MYT1L: variants seen among roughly 807,000 people sequenced by gnomAD.
MYT1L encodes the protein myelin transcription factor 1-like protein.
In MYT1L, 12 loss-of-function variants were observed where a neutral mutation model predicts 126.7. The observed-to-expected ratio is 0.09, with a 90% confidence interval of 0.06 to 0.15. MYT1L has a LOEUF of 0.15. Among genes scored for constraint, MYT1L ranks in the 10% least tolerant of loss-of-function variants. MYT1L has a pLI of 1.00. For missense variants in MYT1L, 979 were observed against 1,585.2 expected, an observed-to-expected ratio of 0.62 and a Z score of 6.49; for synonymous variants, 541 against 604.2, an observed-to-expected ratio of 0.90 and a Z score of 1.53.
intron 1 of MYT1L, chr2:2,323,974 A>C (rs1305504003): frequency 6.6e-6 from 1 of 152,200 alleles, no homozygotes; most frequent in Non-Finnish European, 1.5e-5. Context: ...GGCTGCTGTA[A>C]GTTTCTAAAA....
At chr2:2,153,837 T>G (rs902229588) in intron 3 of MYT1L, among the ~76,000 whole-genome samples, 1 of 151,400 alleles carries the variant, frequency 6.6e-6, no homozygotes, top group African/African-American at 2.4e-5. Context: ...TCTGAAGAGG[T>G]TGGCAGCAAG....
intron 2 of MYT1L, among the ~76,000 whole-genome samples, chr2:2,181,872 C>T (rs1000610977): frequency 6.6e-6 from 1 of 152,112 alleles, no homozygotes; most frequent in South Asian, 2.1e-4. Flanking sequence ...TCAGAACAAC[C>T]CTGAGAATAG....
At chr2:2,157,986 C>T (rs1197755295) in intron 3 of MYT1L, among the ~76,000 whole-genome samples, 2 of 152,062 alleles carry the variant, frequency 1.3e-5, no homozygotes, top group Non-Finnish European at 2.9e-5. Flanking sequence ...CTGCAGGGAG[C>T]TTCTCTCCTG....
intron 2 of MYT1L, among the ~76,000 whole-genome samples, chr2:2,261,693 A>C (rs2094972938): frequency 6.6e-6 from 1 of 152,246 alleles, no homozygotes; most frequent in African/African-American, 2.4e-5. Flanking sequence ...AATTGAAAAT[A>C]ATACATTTGT....
chr2:1,829,566 C>CCCATGCACCTGTGAATTGACCT (rs1558678586), intron 21 of MYT1L, among the ~76,000 whole-genome samples: 6 of 96,626 alleles, frequency 6.2e-5, no homozygotes, highest in African/African-American at 7.8e-5. Context: ...TGAACTGACC[C>CCCATGCACCTGTGAATTGACCT]TCCCATGCAC....
intron 3 of MYT1L, among the ~76,000 whole-genome samples, chr2:2,141,991 G>A (rs2084052311): frequency 6.6e-6 from 1 of 152,086 alleles, no homozygotes; most frequent in Non-Finnish European, 1.5e-5. Context: ...CTCCCACACG[G>A]GAAAGCTTAA....
At chr2:1,854,218 T>C (rs2148556144) in intron 18 of MYT1L, among the ~76,000 whole-genome samples, 1 of 152,312 alleles carries the variant, frequency 6.6e-6, no homozygotes, top group Admixed American at 6.5e-5. Flanking sequence ...ACATTAGGTC[T>C]CAGTATAAAT....
chr2:1,951,398 G>A, intron 8 of MYT1L, among the ~76,000 whole-genome samples: 1 of 152,160 alleles, frequency 6.6e-6, no homozygotes, highest in South Asian at 2.1e-4. Context: ...CATGAGGCTG[G>A]CCCAGGAGAC....
At chr2:2,194,699 C>A (rs1484374902) in intron 2 of MYT1L, among the ~76,000 whole-genome samples, 2 of 152,168 alleles carry the variant, frequency 1.3e-5, no homozygotes, top group Non-Finnish European at 2.9e-5. Flanking sequence ...ACCTTCCCCC[C>A]TCATCAGATC....
At chr2:2,119,860 T>A (rs978151456) in intron 3 of MYT1L, among the ~76,000 whole-genome samples, 1 of 151,082 alleles carries the variant, frequency 6.6e-6, no homozygotes, top group Non-Finnish European at 1.5e-5. Flanking sequence ...AGTGAAAGTA[T>A]TTTTTTTTAA....
chr2:2,179,662 G>A (rs2091201486), intron 2 of MYT1L, among the ~76,000 whole-genome samples: 1 of 152,182 alleles, frequency 6.6e-6, no homozygotes, highest in Non-Finnish European at 1.5e-5. Context: ...AGTGAGTGAG[G>A]AACAGTAGGA....
chr2:2,032,822 A>G (rs577165068), intron 4 of MYT1L, among the ~76,000 whole-genome samples: 1 of 125,278 alleles, frequency 8.0e-6, no homozygotes, highest in Non-Finnish European at 1.6e-5. Flanking sequence ...AGTGCCTCTC[A>G]TCCTGTGGCC....
intron 21 of MYT1L, among the ~76,000 whole-genome samples, chr2:1,823,110 A>C: frequency 6.6e-6 from 1 of 152,132 alleles, no homozygotes; most frequent in Non-Finnish European, 1.5e-5. Flanking sequence ...CTTTTGCCCT[A>C]AGCTCCTCAA....
chr2:1,810,083 T>A (rs2036348005), intron 21 of MYT1L: 1 of 151,604 alleles, frequency 6.6e-6, no homozygotes, highest in Non-Finnish European at 1.5e-5. Context: ...CCAGGGGCCA[T>A]CTGGCACTTA....
intron 2 of MYT1L, among the ~76,000 whole-genome samples, chr2:2,262,420 C>T (rs967460484): frequency 1.3e-5 from 2 of 151,424 alleles, no homozygotes; most frequent in Non-Finnish European, 2.9e-5. Flanking sequence ...AGGCAGGGCG[C>T]GGTGGCTCAC....
In MYT1L at chr2:2,059,916, C is replaced by A. The variant is rs1359977969; in HGVS notation, c.-303-5793G>T. ...GAGAATTTAGCATACCATGCTGTAA[C>A]TGTAGATCTCCTAAGCGGCACCCCA... On this transcript the variant is annotated intron_variant, in intron 3 of 24. Transcript: ENST00000647738. The surrounding 1 kb of genome is among the most constrained non-coding windows in gnomAD (Gnocchi z 4.7). Among the ~76,000 whole-genome samples, 1 of 152,046 alleles carries A rather than the reference C, an allele frequency of 6.6e-6. No homozygotes were observed. Among genetic ancestry groups the A allele is most frequent in the Non-Finnish European group, 1.5e-5 (1 of 67,984 alleles).
chr2:1,833,869 C>G (rs111278984), intron 21 of MYT1L, among the ~76,000 whole-genome samples: 15 of 152,326 alleles, frequency 9.8e-5, no homozygotes, highest in South Asian at 2.1e-4. Context: ...TAACCCTCAA[C>G]GCAGAAAGAG....
At chr2:2,075,149 A>G (rs1350887481) in intron 3 of MYT1L, among the ~76,000 whole-genome samples, 5 of 152,238 alleles carry the variant, frequency 3.3e-5, no homozygotes, top group Non-Finnish European at 2.9e-5. Flanking sequence ...AAAGTGCAGA[A>G]AGAAGCAGAG....
intron 9 of MYT1L, 63 bp from the exon 10 acceptor site, chr2:1,923,326 C>A: frequency 1.4e-6 from 2 of 1,395,936 alleles, no homozygotes; most frequent in Non-Finnish European, 1.9e-6. Flanking sequence ...GAACTGGAAG[C>A]TTAGTTGCAA....
Sources: allele counts gnomAD v4.1 joint callset (sites outside exome capture counted in the v4.1 genomes callset), GRCh38; gene constraint gnomAD v4.1.1; non-coding constraint Gnocchi (gnomAD v3.1); transcripts MANE v1.5; gene names NCBI Gene and HGNC (gene_info 2026-07-23, HGNC 2026-07-21).